ECPAS: variants seen among roughly 807,000 people sequenced by gnomAD.
ECPAS encodes the protein proteasome adapter and scaffold protein ECM29.
In ECPAS, 70 loss-of-function variants were observed where a neutral mutation model predicts 255.1. The observed-to-expected ratio is 0.27, with a 90% CI of 0.23 to 0.33. The LOEUF (loss-of-function observed/expected upper bound fraction) is 0.33. ECPAS is among the 10% of genes least tolerant of loss of function. The pLI, the probability that ECPAS is intolerant of heterozygous loss-of-function variation, is 1.00. For synonymous variants in ECPAS, 784 were observed against 775.0 expected (o/e 1.01, Z -0.19); for missense variants, 1,817 against 2,206.4 (o/e 0.82, Z 3.54).
At chr9:111,434,896 C>CCTTT (rs2098235579) in intron 7 of ECPAS, among the ~76,000 whole-genome samples, 1 of 92,182 alleles carries the variant, frequency 1.1e-5, no homozygotes, top group African/African-American at 4.8e-5. Context: ...CCACATCTGG[C>CCTTT]TTTTTTTTTT....
At chr9:111,430,777 AAAAG>A in intron 8 of ECPAS, 149 bp from the exon 9 acceptor site, 1 of 665,028 alleles carries the variant, frequency 1.5e-6, no homozygotes, top group Admixed American at 2.9e-5. Flanking sequence ...GAAGAGAAGG[AAAAG>A]AAAGGGACTA....
intron 3 of ECPAS, among the ~76,000 whole-genome samples, chr9:111,444,782 C>A (rs1406103385): frequency 6.6e-6 from 1 of 152,158 alleles, no homozygotes; most frequent in Non-Finnish European, 1.5e-5. Context: ...ACAATCTTGG[C>A]TCACTGCAAC....
At chr9:111,416,454 G>C (rs922251366) in intron 17 of ECPAS, 102 bp from the exon 18 acceptor site, 2 of 816,940 alleles carry the variant, frequency 2.4e-6, no homozygotes, top group Non-Finnish European at 4.0e-6. Context: ...CATGTCCTAA[G>C]TTTGCTTCTT....
At chr9:111,470,027 T>C (rs1286011064) in intron 2 of ECPAS, among the ~76,000 whole-genome samples, 1 of 152,070 alleles carries the variant, frequency 6.6e-6, no homozygotes, top group African/African-American at 2.4e-5. Flanking sequence ...CCATCAAGGT[T>C]CCTGCAGGAG....
chr9:111,389,751 G>C lies in ECPAS; in HGVS notation c.3280-28C>G, dbSNP rs773564612. On this transcript the variant is annotated intron_variant, in intron 30 of 49. Transcript: ENST00000684092. ...AAAAATAATAGGCTGAAGTGACTCAGATGCACCATTATAGTAAAATATTAA... is the reference window on the plus strand; with the variant it reads ...AAAAATAATAGGCTGAAGTGACTCACATGCACCATTATAGTAAAATATTAA... 5 of 1,582,480 alleles carry C rather than the reference G, an allele frequency of 3.2e-6. No individual in the cohort carries two copies. The East Asian group carries it at 1.1e-4, about 36-fold the overall frequency.
At chr9:111,388,947 A>G (rs2098154976) in intron 31 of ECPAS, among the ~76,000 whole-genome samples, 1 of 152,234 alleles carries the variant, frequency 6.6e-6, no homozygotes. Context: ...GAAATTTTCA[A>G]GTAAACAGTT....
intron 3 of ECPAS, among the ~76,000 whole-genome samples, chr9:111,448,189 T>C (rs2098255794): frequency 6.6e-6 from 1 of 152,096 alleles, no homozygotes; most frequent in African/African-American, 2.4e-5. Context: ...TTCTTAAAAC[T>C]TTAAAAATAG....
At chr9:111,458,808 T>A (rs559651117) in intron 2 of ECPAS, among the ~76,000 whole-genome samples, 43 of 152,328 alleles carry the variant, frequency 2.8e-4, no homozygotes, top group South Asian at 1.7e-3. Context: ...ACTGGGAAAG[T>A]ACCCTGACAC....
chr9:111,383,348 C>G lies in ECPAS; in HGVS notation c.3682-16G>C, dbSNP rs144011222. On this transcript the variant is annotated splice_polypyrimidine_tract_variant and intron_variant, in intron 34 of 49. Transcript: ENST00000684092. ...TCACACAGACCTCACATACAAAGAG[C>G]ATGGACGTTAGTGAAAGTGACCGCG... 3.7e-4 allele frequency: 597 copies of G among 1,601,002 alleles called. No homozygotes were observed. The highest frequency in any genetic ancestry group is 4.8e-4 in the Admixed American group (28 of 58,402).
intron 42 of ECPAS, among the ~76,000 whole-genome samples, chr9:111,372,151 T>G (rs753395751): frequency 6.6e-6 from 1 of 152,228 alleles, no homozygotes; most frequent in Non-Finnish European, 1.5e-5. Flanking sequence ...TAATTAAAAA[T>G]GTAAAGCTCT....
chr9:111,448,317 G>A (rs2098255926), intron 3 of ECPAS, among the ~76,000 whole-genome samples: 1 of 151,918 alleles, frequency 6.6e-6, no homozygotes, highest in Admixed American at 6.6e-5. Context: ...GCAGGCTGGG[G>A]CAAATATTTT....
At chr9:111,480,287 CTTTTCTTT>C (rs2098302679) in intron 1 of ECPAS, among the ~76,000 whole-genome samples, 1 of 113,682 alleles carries the variant, frequency 8.8e-6, no homozygotes, top group African/African-American at 3.4e-5. Context: ...TTAAAAGCAC[CTTTTCTTT>C]TTTTTTTTTT....
intron 1 of ECPAS, among the ~76,000 whole-genome samples, chr9:111,473,504 G>A (rs962512616): frequency 1.3e-5 from 2 of 151,840 alleles, no homozygotes; most frequent in African/African-American, 2.4e-5. Flanking sequence ...TCTTCCTCTC[G>A]CTCTTAAATA....
At chr9:111,397,767 G>A (rs1244481005) in intron 24 of ECPAS, among the ~76,000 whole-genome samples, 1 of 152,050 alleles carries the variant, frequency 6.6e-6, no homozygotes, top group Non-Finnish European at 1.5e-5. Flanking sequence ...CTTTTAAGTG[G>A]CTCAGAAAAA....
intron 46 of ECPAS, among the ~76,000 whole-genome samples, chr9:111,368,178 C>T (rs1214389903): frequency 6.6e-6 from 1 of 152,136 alleles, no homozygotes; most frequent in East Asian, 1.9e-4. Flanking sequence ...TAGTATCATC[C>T]CAAGGTTAAG....
intron 8 of ECPAS, among the ~76,000 whole-genome samples, chr9:111,432,848 T>C (rs2098232162): frequency 6.6e-6 from 1 of 152,256 alleles, no homozygotes; most frequent in Non-Finnish European, 1.5e-5. Flanking sequence ...TAATTTTCAC[T>C]GTATTAACCA....
chr9:111,427,917 A>C (rs1304235446), intron 10 of ECPAS, 125 bp downstream of exon 10: 8 of 699,716 alleles, frequency 1.1e-5, no homozygotes, highest in African/African-American at 9.2e-5. Flanking sequence ...AGAAAAAAAG[A>C]ATCTCATTAA....
rs764238575 is a variant in ECPAS, at chr9:111,392,845, C to G, written c.3015G>C (p.Leu1005Phe). ...CTTGTTCATTGCCTAGTTCATAAAC[C>G]AACCCAAGGCCCTTTGATGCAACAT... is the stretch of plus-strand genomic sequence containing the variant. ...SQDVASKGLG[L>F]VYELGNEQDQ... Residue 1005 changes from leucine (L) to phenylalanine (F), a missense_variant, in exon 28 of 50, where the codon TTG (leucine) becomes TTC (phenylalanine). Coordinates refer to ENST00000684092, the MANE Select transcript of ECPAS (RefSeq NM_001364929.1). The G allele has an allele frequency of 1.2e-6, 2 of 1,613,258 alleles. No individual in the cohort carries two copies. Among genetic ancestry groups the G allele is most frequent in the Non-Finnish European group, 1.7e-6 (2 of 1,179,574 alleles).
intron 7 of ECPAS, among the ~76,000 whole-genome samples, chr9:111,436,046 G>T: frequency 6.7e-6 from 1 of 149,394 alleles, no homozygotes. Flanking sequence ...AAAAAAAAAA[G>T]ATCCATAAAA....
Sources: allele counts gnomAD v4.1 joint callset (sites outside exome capture counted in the v4.1 genomes callset), GRCh38; gene constraint gnomAD v4.1.1; transcripts MANE v1.5; gene names NCBI Gene and HGNC (gene_info 2026-07-23, HGNC 2026-07-21).